The following RWDD4 variants were observed in gnomAD, a reference collection of about 807,000 sequenced individuals.
The protein encoded by RWDD4 is RWD domain-containing protein 4.
In RWDD4, 16 loss-of-function variants were observed where a neutral mutation model predicts 30.0. The ratio of observed to expected loss-of-function variants is 0.53; its 90% CI spans 0.36 to 0.81. The LOEUF is 0.81. RWDD4 is among the 30% of genes least tolerant of loss of function. The probability of loss-of-function intolerance (pLI) is 0.00; values close to 1 mark genes in which losing one functional copy is unlikely to be tolerated. For missense variants in RWDD4, 170 were observed against 223.9 expected, an observed-to-expected ratio of 0.76 and a Z score of 1.54; for synonymous variants, 45 against 72.1, an observed-to-expected ratio of 0.62 and a Z score of 1.90.
intron 7 of RWDD4, among the ~76,000 whole-genome samples, chr4:183,642,780 T>C (rs919483971): frequency 6.6e-6 from 1 of 151,686 alleles, no homozygotes; most frequent in East Asian, 2.0e-4. Flanking sequence ...ATGGGTTGGC[T>C]GGGCGCGGTG....
At chr4:183,649,595 GC>G in intron 4 of RWDD4, 27 bp from the exon 5 acceptor site, 2 of 1,246,766 alleles carry the variant, frequency 1.6e-6, no homozygotes, top group Non-Finnish European at 2.3e-6. Flanking sequence ...ATAATTCTCA[GC>G]CTCATACCTT....
Position 183,651,339 on chromosome 4 carries a change from G to C in RWDD4, c.106-12C>G, listed in dbSNP as rs1215435013. The C allele has an allele frequency of 1.3e-6, 2 of 1,586,900 alleles. No individual in the cohort carries two copies. Among genetic ancestry groups the C allele is most frequent in the Non-Finnish European group, 1.7e-6 (2 of 1,159,694 alleles). ...CCATTTTCACCTATCTGAAGAGAAG[G>C]GGAAATCTTAGGCTTGTAAAAGGTG... On this transcript the variant is annotated splice_polypyrimidine_tract_variant and intron_variant, in intron 2 of 7. Coordinates refer to ENST00000326397, the MANE Select transcript of RWDD4 (RefSeq NM_152682.4).
chr4:183,649,357 T>G, intron 5 of RWDD4, 94 bp downstream of exon 5: 3 of 736,890 alleles, frequency 4.1e-6, no homozygotes, highest in East Asian at 2.7e-5. Flanking sequence ...GAGGCTGCAG[T>G]GAGCTGAGAT....
chr4:183,652,280 T>C (rs886930727), intron 2 of RWDD4, among the ~76,000 whole-genome samples: 5 of 151,962 alleles, frequency 3.3e-5, no homozygotes, highest in African/African-American at 7.3e-5. Flanking sequence ...CCATAATCCA[T>C]TGAGGGATCA....
intron 7 of RWDD4, among the ~76,000 whole-genome samples, chr4:183,643,449 C>CAAAAAAAAAAAAAAAAAAAAAAAAAAAAA (rs1346905013): frequency 4.7e-5 from 2 of 42,460 alleles, no homozygotes; most frequent in East Asian, 5.0e-4. Flanking sequence ...AAAAAAAAAG[C>CAAAAAAAAAAAAAAAAAAAAAAAAAAAAA]ATTTAAGGGC....
rs764261614 is a variant in RWDD4 at position 183,641,403 on chromosome 4, A to G, written c.*33T>C. On this transcript the variant is annotated 3_prime_UTR_variant, in exon 8 of 8. Transcript: ENST00000326397. ...TTTTGAACCCAGTTTTACTCTTTAA[A>G]GAATGCTCTTTCCTTGTCTCAAATT... 3.2e-6 allele frequency: 5 copies of G among 1,555,220 alleles called. No individual in the cohort carries two copies. The highest frequency in any genetic ancestry group is 4.4e-6 in the Non-Finnish European group (5 of 1,131,936).
At position 183,649,273 on chromosome 4, in the gene RWDD4, G is replaced by C. The variant is rs193290014; in HGVS notation, c.481+178C>G. Among the ~76,000 whole-genome samples the C allele has an allele frequency of 1.3e-4, 20 of 152,246 alleles. No homozygotes were observed. The East Asian group carries it at 3.7e-3, about 28-fold the overall frequency. ...TACTAAAAATACAAAAATTAGCCAG[G>C]TGTGGTGGCATGCGCCTATAATCCC... On this transcript the variant is annotated intron_variant, in intron 5 of 7. Coordinates refer to ENST00000326397, the MANE Select transcript of RWDD4 (RefSeq NM_152682.4).
At chr4:183,652,957 C>T (rs1561013173) in intron 2 of RWDD4, among the ~76,000 whole-genome samples, 1 of 152,254 alleles carries the variant, frequency 6.6e-6, no homozygotes, top group East Asian at 1.9e-4. Context: ...CTCCTGAGCT[C>T]AAGTGATCTT....
At chr4:183,650,959 G>A (rs750229121) in intron 4 of RWDD4, 25 bp downstream of exon 4, 34 of 1,586,684 alleles carry the variant, frequency 2.1e-5, no homozygotes, top group Middle Eastern at 2.3e-4. Flanking sequence ...AAAAGAATCC[G>A]GCAAAAAAAT....
chr4:183,642,774 G>A (rs1291624511), intron 7 of RWDD4, among the ~76,000 whole-genome samples: 2 of 151,998 alleles, frequency 1.3e-5, no homozygotes, highest in African/African-American at 2.4e-5. Context: ...AAGAAAATGG[G>A]TTGGCTGGGC....
chr4:183,657,708 A>G (rs1453021680), intron 1 of RWDD4, among the ~76,000 whole-genome samples: 1 of 152,262 alleles, frequency 6.6e-6, no homozygotes, highest in Admixed American at 6.5e-5. Context: ...ACGTGATTCC[A>G]GGATAGTGAA....
intron 2 of RWDD4, among the ~76,000 whole-genome samples, chr4:183,652,397 A>G (rs1734097302): frequency 8.3e-6 from 1 of 121,102 alleles, no homozygotes; most frequent in Non-Finnish European, 1.6e-5. Context: ...GTCTCACTCC[A>G]TTGCCCAGGC....
chr4:183,657,697 C>G (rs1046704780), intron 1 of RWDD4, among the ~76,000 whole-genome samples: 2 of 152,180 alleles, frequency 1.3e-5, no homozygotes, highest in African/African-American at 4.8e-5. Flanking sequence ...TGTCCACAAA[C>G]ACGTGATTCC....
chr4:183,649,398 G>T, intron 5 of RWDD4, 53 bp downstream of exon 5: 2 of 1,195,270 alleles, frequency 1.7e-6, no homozygotes, highest in South Asian at 1.3e-5. Context: ...TGGGCAACAA[G>T]AGTGAGACTC....
chr4:183,642,391 G>A lies in RWDD4; in HGVS notation c.535-923C>T, dbSNP rs1192057880. Among the ~76,000 whole-genome samples the A allele has an allele frequency of 4.7e-5, 4 of 85,956 alleles. 1 individual carries two copies. The highest frequency in any genetic ancestry group is 9.5e-5 in the Admixed American group (1 of 10,552). The allele number at this position is 85,956 out of a possible 152,430, so 56.4% of individuals were successfully genotyped here. A position where few individuals can be genotyped will look rare whatever the true frequency, so the allele number is the denominator to read the frequency against. On this transcript the variant is annotated intron_variant, in intron 7 of 7. Coordinates refer to ENST00000326397, the MANE Select transcript of RWDD4 (RefSeq NM_152682.4). ...TTTTTAGTAGAGACGGGGTTTCACCGTGTTAGCCAGGATGGTCTCGATCTC... is the reference window on the plus strand; with the variant it reads ...TTTTTAGTAGAGACGGGGTTTCACCATGTTAGCCAGGATGGTCTCGATCTC...
At position 183,641,290 on chromosome 4, in the gene RWDD4, C is replaced by G. The variant is rs565768843; in HGVS notation, c.*146G>C. ...ACAACAAGATCTCTTCATGAACTTT[C>G]AACTTACAACCTTTTTAATGTAAGA... On this transcript the variant is annotated 3_prime_UTR_variant, in exon 8 of 8. Transcript: ENST00000326397. 1.1e-5 allele frequency: 8 copies of G among 702,308 alleles called. No individual in the cohort carries two copies. Among genetic ancestry groups the G allele is most frequent in the South Asian group, 6.5e-5 (4 of 61,444 alleles). The allele number at this position is 702,308 out of a possible 1,614,324, so 43.5% of individuals were successfully genotyped here.
In RWDD4 at chr4:183,658,135, T is replaced by A. The variant is rs1734250458; in HGVS notation, c.24+794A>T. On this transcript the variant is annotated intron_variant, in intron 1 of 7. Transcript: ENST00000326397. Reference sequence around the variant, plus strand: ...GGGTCCTTTAAAGGTTAACTTCCAATCCAGAGATTCTATTACATTTATCAT... The same window carrying A: ...GGGTCCTTTAAAGGTTAACTTCCAAACCAGAGATTCTATTACATTTATCAT... 2.6e-5 allele frequency among the ~76,000 whole-genome samples: 4 copies of A among 152,314 alleles called. No individual in the cohort carries two copies. In the South Asian group the frequency reaches 8.3e-4, roughly 32 times the overall value.
Position 183,641,429 on chromosome 4 carries a change from C to G in RWDD4, c.*7G>C, listed in dbSNP as rs1312353627. 6.2e-7 allele frequency: 1 copy of G among 1,601,642 alleles called. No individual in the cohort carries two copies. The highest frequency in any genetic ancestry group is 8.5e-7 in the Non-Finnish European group (1 of 1,171,432). On this transcript the variant is annotated 3_prime_UTR_variant, in exon 8 of 8. Transcript: ENST00000326397. ...GAATGCTCTTTCCTTGTCTCAAATT[C>G]CAAGTGCTACTCATCATCCTTAGAG...
At chr4:183,654,500 T>G (rs1322222911) in intron 2 of RWDD4, among the ~76,000 whole-genome samples, 2 of 152,182 alleles carry the variant, frequency 1.3e-5, no homozygotes, top group African/African-American at 4.8e-5. Context: ...TCTCCTAATC[T>G]CATGTATCAT....
Sources: gnomAD v4.1 joint callset for allele counts (sites outside exome capture counted in the v4.1 genomes callset) on GRCh38, gnomAD v4.1.1 for gene constraint, MANE v1.5 for transcripts, NCBI Gene and HGNC (gene_info 2026-07-23, HGNC 2026-07-21) for gene names.